The following MORN1 variants were observed in gnomAD, a reference collection of about 807,000 sequenced individuals.
The protein encoded by MORN1 is MORN repeat-containing protein 1.
In MORN1, 67 loss-of-function variants were observed where a neutral mutation model predicts 61.9. The ratio of observed to expected loss-of-function variants is 1.08; its 90% CI spans 0.89 to 1.33. MORN1 has a LOEUF of 1.33. Among genes scored for constraint, MORN1 ranks in the 40% most tolerant of loss-of-function variants. The probability of loss-of-function intolerance (pLI) is 0.00; values close to 1 mark genes in which losing one functional copy is unlikely to be tolerated. For missense variants in MORN1, 752 were observed against 691.2 expected (o/e 1.09, Z -0.99); for synonymous variants, 301 against 292.0 (o/e 1.03, Z -0.31).
chr1:2,357,290 C>T lies in MORN1; in HGVS notation c.1036+142G>A. On this transcript the variant is annotated intron_variant, in intron 10 of 13. Coordinates refer to ENST00000378531, the MANE Select transcript of MORN1 (RefSeq NM_024848.3). The surrounding 1 kb of genome is among the most constrained non-coding windows in gnomAD (Gnocchi z 6.3). ...GGATGTGGGCTGCCCGGCCCTGCCTCCTTTCACCCACGCGTGATGACTGAC... is the reference window on the plus strand; with the variant it reads ...GGATGTGGGCTGCCCGGCCCTGCCTTCTTTCACCCACGCGTGATGACTGAC... The T allele has an allele frequency of 1.1e-6, 1 of 869,928 alleles. No individual in the cohort carries two copies. Among genetic ancestry groups the T allele is most frequent in the Non-Finnish European group, 1.7e-6 (1 of 577,802 alleles). 53.9% of individuals were successfully genotyped at this position (869,928 alleles called of 1,614,324 possible).
chr1:2,383,832 G>T (rs1570044918), intron 6 of MORN1, among the ~76,000 whole-genome samples: 1 of 152,270 alleles, frequency 6.6e-6, no homozygotes, highest in East Asian at 1.9e-4. Context: ...CGCCCAGCAT[G>T]GGGGATGGCT....
intron 10 of MORN1, among the ~76,000 whole-genome samples, chr1:2,339,845 C>T (rs140903403): frequency 9.6e-4 from 147 of 152,354 alleles, no homozygotes; most frequent in African/African-American, 3.2e-3. Context: ...GCTTGCGCAT[C>T]CCCTAAAGAA....
chr1:2,369,336 A>G (rs7554609), intron 8 of MORN1, among the ~76,000 whole-genome samples: 23,670 of 147,084 alleles, frequency 0.16, 2,527 homozygotes, highest in East Asian at 0.38. Flanking sequence ...CCTGGATGAC[A>G]GAGCAAAACT....
intron 10 of MORN1, among the ~76,000 whole-genome samples, chr1:2,344,526 CG>C (rs1641467969): frequency 6.6e-6 from 1 of 152,142 alleles, no homozygotes; most frequent in Non-Finnish European, 1.5e-5. Flanking sequence ...AGGCCAGGAG[CG>C]GGGACCGCAC....
chr1:2,324,118 G>C lies in MORN1; in HGVS notation c.1276C>G (p.Gln426Glu), dbSNP rs1313925193. The C allele has an allele frequency of 4.4e-6, 7 of 1,600,836 alleles. No homozygotes were observed. The highest frequency in any genetic ancestry group is 6.0e-6 in the Non-Finnish European group (7 of 1,175,080). ...SRPEGRATEE[Q>E]AAAAHLGEYV... is the part of the protein sequence containing the mutation. ...CTACCTAGGTGTGCTGCCGCAGCCT[G>C]CTCCTCCGTGGCTCTCCCCTCAGGC... The change falls in exon 13 of 14, where the codon CAG becomes GAG. Residue 426 changes from glutamine to glutamate, a missense_variant. Coordinates refer to ENST00000378531, the MANE Select transcript of MORN1 (RefSeq NM_024848.3).
intron 10 of MORN1, among the ~76,000 whole-genome samples, chr1:2,339,074 G>A (rs1327838498): frequency 1.3e-5 from 2 of 152,190 alleles, no homozygotes; most frequent in East Asian, 3.9e-4. Flanking sequence ...GCTCTCCTCT[G>A]TGCGGTCCCT....
At chr1:2,388,179 C>G in intron 3 of MORN1, 60 bp downstream of exon 3, 1 of 1,369,316 alleles carries the variant, frequency 7.3e-7, no homozygotes. Flanking sequence ...ACTCGGCGGA[C>G]CAACTGAGCC....
At chr1:2,344,994 G>A (rs977297682) in intron 10 of MORN1, among the ~76,000 whole-genome samples, 1 of 151,758 alleles carries the variant, frequency 6.6e-6, no homozygotes, top group Non-Finnish European at 1.5e-5. Flanking sequence ...TGAAAACGGC[G>A]TCAGCCTCCG....
At chr1:2,367,055 C>A (rs55960350) in intron 8 of MORN1, among the ~76,000 whole-genome samples, 30,199 of 151,678 alleles carry the variant, frequency 0.2, 3,189 homozygotes, top group Non-Finnish European at 0.24. Context: ...CAAAATTGAC[C>A]TGATTTATAA....
rs540457478 is a variant in MORN1, at chr1:2,357,087, G to A, written c.1036+345C>T. Among the ~76,000 whole-genome samples, 1 of 152,300 alleles carries A rather than the reference G, an allele frequency of 6.6e-6. No individual in the cohort carries two copies. Among genetic ancestry groups the A allele is most frequent in the Admixed American group, 6.5e-5 (1 of 15,306 alleles). On this transcript the variant is annotated intron_variant, in intron 10 of 13. Transcript: ENST00000378531. The surrounding 1 kb of genome is among the most constrained non-coding windows in gnomAD (Gnocchi z 6.3). ...GTGAGGGCTCCCGGGCGGCAGGAGTGGCTGGGGCCGTGTCCAGGCTGGCCA... is the reference window on the plus strand; with the variant it reads ...GTGAGGGCTCCCGGGCGGCAGGAGTAGCTGGGGCCGTGTCCAGGCTGGCCA...
chr1:2,325,046 C>A (rs573953592), intron 12 of MORN1, among the ~76,000 whole-genome samples: 1 of 150,174 alleles, frequency 6.7e-6, no homozygotes, highest in East Asian at 2.0e-4. Flanking sequence ...CACCCACCCT[C>A]CTCCCCGGGC....
At chr1:2,381,035 C>A (rs1642360254) in intron 6 of MORN1, among the ~76,000 whole-genome samples, 1 of 152,204 alleles carries the variant, frequency 6.6e-6, no homozygotes, top group South Asian at 2.1e-4. Context: ...GGCACTGTGA[C>A]CGGAGGGCCC....
chr1:2,360,320 C>T (rs1227681272), intron 8 of MORN1, among the ~76,000 whole-genome samples: 1 of 152,160 alleles, frequency 6.6e-6, no homozygotes, highest in Non-Finnish European at 1.5e-5. Flanking sequence ...TAACTGGGAT[C>T]GATTGACACC....
At chr1:2,371,921 A>G (rs1238905253) in intron 8 of MORN1, 1 of 176,952 alleles carries the variant, frequency 5.7e-6, no homozygotes, top group Non-Finnish European at 1.2e-5. Flanking sequence ...AAAAAAAAAA[A>G]AAAAGTTCAA....
At chr1:2,342,536 A>G (rs1243607498) in intron 10 of MORN1, among the ~76,000 whole-genome samples, 1 of 152,246 alleles carries the variant, frequency 6.6e-6, no homozygotes, top group Non-Finnish European at 1.5e-5. Flanking sequence ...TTAGAGACGC[A>G]GGGTGGGGCC....
intron 8 of MORN1, among the ~76,000 whole-genome samples, chr1:2,368,304 C>G (rs1371289078): frequency 6.6e-6 from 1 of 152,214 alleles, no homozygotes; most frequent in Non-Finnish European, 1.5e-5. Context: ...GGCTACAGCT[C>G]CTGCAGAGCG....
At position 2,326,092 on chromosome 1, in the gene MORN1, G is replaced by A. The variant is rs1206559561; in HGVS notation, c.1251-1949C>T. ...GTTCCTGTCACTTGTGGCTCAAGGG[G>A]GTCAACAGCCCACCCAGAGCTCGGA... On this transcript the variant is annotated intron_variant, in intron 12 of 13. Coordinates refer to ENST00000378531, the MANE Select transcript of MORN1 (RefSeq NM_024848.3). 2.0e-5 allele frequency: 3 copies of A among 152,304 alleles called. No homozygotes were observed. The East Asian group carries it at 5.8e-4, about 29-fold the overall frequency. 9.4% of individuals were successfully genotyped at this position (152,304 alleles called of 1,614,324 possible). A position where few individuals can be genotyped will look rare whatever the true frequency, so the allele number is the denominator to read the frequency against.
At chr1:2,375,116 T>C (rs989267469) in intron 6 of MORN1, 1 of 152,294 alleles carries the variant, frequency 6.6e-6, no homozygotes, top group Non-Finnish European at 1.5e-5. Flanking sequence ...TTCCAAGTCA[T>C]ACAACAAAGC....
chr1:2,363,588 C>T (rs1641937241), intron 8 of MORN1: 1 of 152,004 alleles, frequency 6.6e-6, no homozygotes, highest in Non-Finnish European at 1.5e-5. Context: ...GAGACCTCAT[C>T]TCTAAAAGAA....
Sources: gnomAD v4.1 joint callset for allele counts (sites outside exome capture counted in the v4.1 genomes callset) on GRCh38, gnomAD v4.1.1 for gene constraint, Gnocchi (gnomAD v3.1) non-coding constraint, MANE v1.5 for transcripts, NCBI Gene and HGNC (gene_info 2026-07-23, HGNC 2026-07-21) for gene names.